The following MINDY3 variants were observed in gnomAD, a reference collection of about 807,000 sequenced individuals.
MINDY3 encodes the protein MINDY lysine 48 deubiquitinase 3.
A neutral mutation model predicts 69.2 loss-of-function variants in MINDY3; 38 were observed. The ratio of observed to expected loss-of-function variants is 0.55; its 90% CI spans 0.42 to 0.72. MINDY3 has a LOEUF of 0.72. Ranked by LOEUF, MINDY3 falls within the 30% of genes least tolerant of loss-of-function variation. The pLI is 0.00. For synonymous variants in MINDY3, 192 were observed against 180.1 expected, an observed-to-expected ratio of 1.07 and a Z score of -0.53; for missense variants, 522 against 519.0, an observed-to-expected ratio of 1.01 and a Z score of -0.06.
At chr10:15,812,975 C>A (rs1162193454) in intron 10 of MINDY3, among the ~76,000 whole-genome samples, 2 of 152,158 alleles carry the variant, frequency 1.3e-5, no homozygotes, top group African/African-American at 4.8e-5. Context: ...CCTCACTACT[C>A]TGGACCAAAT....
chr10:15,811,302 A>T (rs902431042), intron 10 of MINDY3, among the ~76,000 whole-genome samples: 1 of 152,168 alleles, frequency 6.6e-6, no homozygotes, highest in Non-Finnish European at 1.5e-5. Flanking sequence ...AATATACTAT[A>T]CTACTTTCAT....
At chr10:15,788,913 C>T (rs953301840) in intron 12 of MINDY3, 27 of 181,092 alleles carry the variant, frequency 1.5e-4, no homozygotes, top group African/African-American at 2.1e-4. Context: ...TACACAGAAC[C>T]GTCATTACTT....
In MINDY3 at chr10:15,783,619, G is replaced by A. The variant is rs74124361; in HGVS notation, c.1117-1393C>T. Reference sequence around the variant, plus strand: ...ACAATTGTCTAAATAATTTGAGAAGGAATCATATAGTACTACTTTGTATCA... The same window carrying A: ...ACAATTGTCTAAATAATTTGAGAAGAAATCATATAGTACTACTTTGTATCA... On this transcript the variant is annotated intron_variant, in intron 13 of 14. Transcript: ENST00000277632. 6.2e-3 allele frequency among the ~76,000 whole-genome samples: 936 copies of A among 152,170 alleles called. 6 individuals carry two copies. Among genetic ancestry groups the A allele is most frequent in the African/African-American group, 0.02 (850 of 41,528 alleles).
chr10:15,835,246 T>C (rs1030321344), intron 6 of MINDY3, among the ~76,000 whole-genome samples: 7 of 152,054 alleles, frequency 4.6e-5, no homozygotes, highest in Non-Finnish European at 8.8e-5. Context: ...CCAAAAGTTC[T>C]ACATACTGGA....
At chr10:15,831,827 C>A (rs897105936) in intron 8 of MINDY3, among the ~76,000 whole-genome samples, 3 of 152,098 alleles carry the variant, frequency 2.0e-5, no homozygotes, top group African/African-American at 7.2e-5. Flanking sequence ...AGGCATGCAT[C>A]ACCACATCTG....
chr10:15,788,016 T>C (rs1354002704), intron 12 of MINDY3, among the ~76,000 whole-genome samples: 3 of 152,112 alleles, frequency 2.0e-5, no homozygotes, highest in African/African-American at 7.2e-5. Context: ...AAGGTACGTT[T>C]TCCATCTGAT....
At chr10:15,798,961 C>T (rs917871703) in intron 10 of MINDY3, among the ~76,000 whole-genome samples, 1 of 151,448 alleles carries the variant, frequency 6.6e-6, no homozygotes, top group African/African-American at 2.4e-5. Flanking sequence ...CTCTAGTTAA[C>T]ATGTGTTCAT....
Position 15,793,981 on chromosome 10 carries a change from C to T in MINDY3, c.955+2119G>A, listed in dbSNP as rs189448310. On this transcript the variant is annotated intron_variant, in intron 11 of 14. Coordinates refer to ENST00000277632, the MANE Select transcript of MINDY3 (RefSeq NM_024948.4). ...CTATAAATGGTGACTGGCCTGTACA[C>T]GCCTATTTAATTAGGAATATACCCA... Among the ~76,000 whole-genome samples, 41 of 152,192 alleles carry T rather than the reference C, an allele frequency of 2.7e-4. No homozygotes were observed. The East Asian group carries it at 6.8e-3, about 25-fold the overall frequency.
intron 10 of MINDY3, among the ~76,000 whole-genome samples, chr10:15,811,222 A>G (rs562969327): frequency 1.7e-4 from 26 of 152,308 alleles, no homozygotes; most frequent in African/African-American, 5.1e-4. Context: ...AATTCACAAT[A>G]AAACCGAAGT....
intron 5 of MINDY3, chr10:15,837,605 T>C (rs1026013678): frequency 9.1e-6 from 12 of 1,322,502 alleles, no homozygotes; most frequent in South Asian, 1.3e-5. Context: ...TTCAATAATA[T>C]ACAGTTATTT....
chr10:15,788,517 T>C (rs1482171168), intron 12 of MINDY3, among the ~76,000 whole-genome samples: 1 of 152,154 alleles, frequency 6.6e-6, no homozygotes, highest in East Asian at 1.9e-4. Flanking sequence ...GCTCAAGTTT[T>C]TGCATTCTTA....
rs746264268 is a variant in MINDY3 at position 15,796,109 on chromosome 10, C to G, written c.946G>C (p.Asp316His). 2 of 1,611,908 alleles carry G rather than the reference C, an allele frequency of 1.2e-6. No individual in the cohort carries two copies. The highest frequency in any genetic ancestry group is 1.7e-5 in the Admixed American group (1 of 59,942). Residue 316 changes from aspartate to histidine, a missense_variant, in exon 11 of 15, where the codon GAC becomes CAC. Coordinates refer to ENST00000277632, the MANE Select transcript of MINDY3 (RefSeq NM_024948.4). ...EQARRVFQTY[D>H]PEDNGFIPDS... ...TGTTAAAATCTTTTACCTTCTGGGT[C>G]GTAGGTTTGAAAAACTCTTCTGGCT...
At chr10:15,801,177 G>A (rs906354126) in intron 10 of MINDY3, among the ~76,000 whole-genome samples, 5 of 152,116 alleles carry the variant, frequency 3.3e-5, no homozygotes, top group African/African-American at 1.2e-4. Flanking sequence ...TCCTATTCCG[G>A]CATGGGGGGG....
At chr10:15,833,315 A>G (rs1832856898) in intron 8 of MINDY3, among the ~76,000 whole-genome samples, 1 of 152,220 alleles carries the variant, frequency 6.6e-6, no homozygotes, top group Non-Finnish European at 1.5e-5. Flanking sequence ...AGAGTGCAGT[A>G]ATATCTCTGA....
intron 8 of MINDY3, among the ~76,000 whole-genome samples, chr10:15,823,106 GCCTT>G (rs1439081189): frequency 6.6e-6 from 1 of 152,070 alleles, no homozygotes; most frequent in Non-Finnish European, 1.5e-5. Flanking sequence ...TTACTGTGTA[GCCTT>G]AACTACAACA....
chr10:15,784,668 C>T (rs868358952), intron 13 of MINDY3, among the ~76,000 whole-genome samples: 6 of 152,058 alleles, frequency 3.9e-5, no homozygotes, highest in South Asian at 2.1e-4. Flanking sequence ...ACCAGGGAGG[C>T]GGAGGTTACA....
chr10:15,780,260 C>T (rs1171621947), intron 14 of MINDY3, among the ~76,000 whole-genome samples: 1 of 152,058 alleles, frequency 6.6e-6, no homozygotes, highest in Non-Finnish European at 1.5e-5. Context: ...CATGAATCTA[C>T]TCATTCCTAA....
intron 12 of MINDY3, among the ~76,000 whole-genome samples, chr10:15,787,039 G>C (rs1288156610): frequency 6.6e-6 from 1 of 151,982 alleles, no homozygotes; most frequent in Non-Finnish European, 1.5e-5. Context: ...TTCTCCTTGG[G>C]CTTAAAATAC....
At chr10:15,818,326 AAAAC>A (rs1421041471) in intron 9 of MINDY3, among the ~76,000 whole-genome samples, 79 of 152,090 alleles carry the variant, frequency 5.2e-4, no homozygotes, top group South Asian at 1.5e-3. Context: ...GTAAAAAAAA[AAAAC>A]AAACAAACAA....
Sources: allele counts gnomAD v4.1 joint callset (sites outside exome capture counted in the v4.1 genomes callset), GRCh38; gene constraint gnomAD v4.1.1; transcripts MANE v1.5; gene names NCBI Gene and HGNC (gene_info 2026-07-23, HGNC 2026-07-21).